IRF2: variants seen among roughly 807,000 people sequenced by gnomAD.
IRF2 encodes interferon regulatory factor 2.
A neutral mutation model predicts 40.6 loss-of-function variants in IRF2; 15 were observed. The observed-to-expected ratio is 0.37, with a 90% CI of 0.25 to 0.57. The LOEUF (loss-of-function observed/expected upper bound fraction) is 0.57, where lower values mean the gene tolerates loss of function less well. Ranked by LOEUF, IRF2 falls within the 20% of genes least tolerant of loss-of-function variation. IRF2 has a pLI of 0.77. For missense variants in IRF2, 317 were observed against 455.7 expected (o/e 0.70, Z 2.77); for synonymous variants, 151 against 165.5 (o/e 0.91, Z 0.67).
intron 1 of IRF2, among the ~76,000 whole-genome samples, chr4:184,452,796 G>GAAAAAAAAAAAAAAGAAAAAAAAA (rs1738771814): frequency 1.2e-5 from 1 of 82,806 alleles, no homozygotes; most frequent in Non-Finnish European, 2.5e-5. Flanking sequence ...AAAAAAAAAA[G>GAAAAAAAAAAAAAAGAAAAAAAAA]GGAAAGAAAG....
chr4:184,407,171 C>T, intron 6 of IRF2: 1 of 1,288,954 alleles, frequency 7.8e-7, no homozygotes, highest in Non-Finnish European at 1.0e-6. Context: ...AAAAAAAGCA[C>T]TGCTAACCTC....
At chr4:184,399,699 C>T (rs930694572) in intron 6 of IRF2, among the ~76,000 whole-genome samples, 26 of 152,318 alleles carry the variant, frequency 1.7e-4, no homozygotes, top group African/African-American at 6.0e-4. Context: ...CAGCTCTCTT[C>T]CTGCTCTACA....
chr4:184,396,043 AAGAG>A (rs1736442447), intron 7 of IRF2, among the ~76,000 whole-genome samples: 1 of 152,362 alleles, frequency 6.6e-6, no homozygotes, highest in African/African-American at 2.4e-5. Flanking sequence ...CTAAAAAAAG[AAGAG>A]AGAAAGAAAA....
intron 1 of IRF2, among the ~76,000 whole-genome samples, chr4:184,429,567 G>A (rs1048860633): frequency 9.9e-5 from 15 of 152,116 alleles, no homozygotes; most frequent in Admixed American, 2.6e-4. Context: ...TTTAAAGCTC[G>A]AAAGGAATCA....
Position 184,407,205 on chromosome 4 carries a change from T to G in IRF2, c.529+953A>C, listed in dbSNP as rs1259180457. 9 of 1,289,334 alleles carry G rather than the reference T, an allele frequency of 7.0e-6. No individual in the cohort carries two copies. In the African/African-American group the frequency reaches 1.4e-4, roughly 20 times the overall value. The allele number at this position is 1,289,334 out of a possible 1,614,324, so 79.9% of individuals were successfully genotyped here. A position where few individuals can be genotyped will look rare whatever the true frequency, so the allele number is the denominator to read the frequency against. ...TCGGCAAGAGGCCAGCGGAGGCCTGTCAGGACAATTCAGCATGCTGCTGGC... is the reference window on the plus strand; with the variant it reads ...TCGGCAAGAGGCCAGCGGAGGCCTGGCAGGACAATTCAGCATGCTGCTGGC... On this transcript the variant is annotated intron_variant, in intron 6 of 8. Transcript: ENST00000393593.
chr4:184,454,499 T>C (rs1242743300), intron 1 of IRF2, among the ~76,000 whole-genome samples: 1 of 152,210 alleles, frequency 6.6e-6, no homozygotes, highest in Non-Finnish European at 1.5e-5. Flanking sequence ...CAAGAATCCA[T>C]GTCTCCTCTG....
intron 1 of IRF2, among the ~76,000 whole-genome samples, chr4:184,450,370 ACG>A (rs1235838560): frequency 1.3e-5 from 2 of 152,348 alleles, no homozygotes; most frequent in East Asian, 3.9e-4. Flanking sequence ...TATTGTTATC[ACG>A]CTACACGAAA....
chr4:184,465,421 G>C (rs1739285656), intron 1 of IRF2, among the ~76,000 whole-genome samples: 1 of 152,002 alleles, frequency 6.6e-6, no homozygotes. Context: ...TATTTTTCTG[G>C]TTAAAAGGGT....
chr4:184,430,236 G>A (rs772230600), intron 1 of IRF2, among the ~76,000 whole-genome samples: 7 of 149,820 alleles, frequency 4.7e-5, no homozygotes, highest in East Asian at 2.0e-4. Flanking sequence ...GCATCCTTCC[G>A]TGACCCCCAG....
At chr4:184,405,069 T>G (rs1736802729) in intron 6 of IRF2, among the ~76,000 whole-genome samples, 1 of 151,874 alleles carries the variant, frequency 6.6e-6, no homozygotes, top group African/African-American at 2.4e-5. Context: ...ATGGTGAAAC[T>G]CCATCTCTAC....
Position 184,419,577 on chromosome 4 carries a change from A to AAG in IRF2, c.88-10_88-9insCT. On this transcript the variant is annotated splice_polypyrimidine_tract_variant and intron_variant, in intron 2 of 8. Transcript: ENST00000393593. Reference sequence around the variant, plus strand: ...TGAAAAATCTTCTTTTCCTGAAAAAAAAAAAAAAAAAAAAGGTAAAGAACT... The same window carrying AAG: ...TGAAAAATCTTCTTTTCCTGAAAAAAAGAAAAAAAAAAAAAAGGTAAAGAACT... 6.5e-7 allele frequency: 1 copy of AAG among 1,542,708 alleles called. No individual in the cohort carries two copies. Among genetic ancestry groups the AAG allele is most frequent in the Non-Finnish European group, 8.8e-7 (1 of 1,132,780 alleles).
chr4:184,424,029 A>C (rs961633829), intron 2 of IRF2, among the ~76,000 whole-genome samples: 5 of 151,530 alleles, frequency 3.3e-5, no homozygotes, highest in African/African-American at 1.2e-4. Context: ...GTATGCTGTC[A>C]GGGAGCTGCT....
chr4:184,468,996 C>T (rs1739426560), intron 1 of IRF2, among the ~76,000 whole-genome samples: 1 of 152,176 alleles, frequency 6.6e-6, no homozygotes, highest in African/African-American at 2.4e-5. Context: ...TGAGTTCATG[C>T]ACCTTCCACC....
intron 1 of IRF2, among the ~76,000 whole-genome samples, chr4:184,469,038 A>C (rs1246575900): frequency 2.0e-5 from 3 of 152,234 alleles, no homozygotes; most frequent in African/African-American, 7.2e-5. Flanking sequence ...GCTGTCAAGA[A>C]ATATTTAATA....
intron 5 of IRF2, among the ~76,000 whole-genome samples, chr4:184,412,050 T>A (rs1220746722): frequency 2.7e-5 from 4 of 149,732 alleles, no homozygotes; most frequent in Non-Finnish European, 4.4e-5. Flanking sequence ...GGGTCCAGAC[T>A]TCTCCACGGT....
In IRF2 at chr4:184,418,764, G is replaced by A. The variant is rs1472648966; in HGVS notation, c.188-56C>T. 3 of 1,442,830 alleles carry A rather than the reference G, an allele frequency of 2.1e-6. No individual in the cohort carries two copies. In the African/African-American group the frequency reaches 4.2e-5, roughly 20 times the overall value. 89.4% of individuals were successfully genotyped at this position (1,442,830 alleles called of 1,614,324 possible). ...AGAGAAAACATTAGATACAGAGGAA[G>A]GAATTTCTGGAAACACAGTATTGCT... On this transcript the variant is annotated intron_variant, in intron 3 of 8. Transcript: ENST00000393593.
chr4:184,445,252 A>G (rs1738463726), intron 1 of IRF2, among the ~76,000 whole-genome samples: 1 of 152,208 alleles, frequency 6.6e-6, no homozygotes, highest in Non-Finnish European at 1.5e-5. Context: ...GTGTTTCCTG[A>G]ACAGCCCAGT....
At chr4:184,424,069 CA>C (rs1737581239) in intron 2 of IRF2, among the ~76,000 whole-genome samples, 1 of 152,042 alleles carries the variant, frequency 6.6e-6, no homozygotes, top group Non-Finnish European at 1.5e-5. Flanking sequence ...CAGATACACA[CA>C]CACACACACA....
chr4:184,453,606 G>A (rs1287906084), intron 1 of IRF2, among the ~76,000 whole-genome samples: 1 of 152,246 alleles, frequency 6.6e-6, no homozygotes, highest in Non-Finnish European at 1.5e-5. Context: ...CCTGCAGTAT[G>A]CAAGCCGGAA....
Sources: allele counts gnomAD v4.1 joint callset (sites outside exome capture counted in the v4.1 genomes callset), GRCh38; gene constraint gnomAD v4.1.1; transcripts MANE v1.5; gene names NCBI Gene and HGNC (gene_info 2026-07-23, HGNC 2026-07-21).